Variants in SUSD6 observed in about 807,000 individuals in gnomAD.
The protein encoded by SUSD6 is sushi domain-containing protein 6.
SUSD6 carries 16 observed loss-of-function variants against 28.4 expected under a neutral mutation model. The ratio of observed to expected loss-of-function variants is 0.56; its 90% CI spans 0.38 to 0.86. The LOEUF (loss-of-function observed/expected upper bound fraction) is 0.86, where lower values mean the gene tolerates loss of function less well. SUSD6 is among the 40% of genes least tolerant of loss of function. SUSD6 has a pLI of 0.00. For missense variants in SUSD6, 341 were observed against 384.2 expected (o/e 0.89, Z 0.94); for synonymous variants, 147 against 159.6 (o/e 0.92, Z 0.59).
chr14:69,709,253 C>T lies in SUSD6; in HGVS notation c.886+149C>T, dbSNP rs550256809. On this transcript the variant is annotated intron_variant, in intron 5 of 5. Coordinates refer to ENST00000342745, the MANE Select transcript of SUSD6 (RefSeq NM_014734.4). The stretch of plus-strand genomic sequence containing the variant: ...TATTTGCCTACAAAATAGAATTTCA[C>T]CCTCAGAGTACTGAGTAGGGCTTTG... The T allele has an allele frequency of 1.2e-5, 9 of 741,984 alleles. No homozygotes were observed. In the Admixed American group the frequency reaches 1.6e-4, roughly 13 times the overall value. 46.0% of individuals were successfully genotyped at this position (741,984 alleles called of 1,614,324 possible).
Position 69,713,368 on chromosome 14 carries a change from C to G in SUSD6, c.*2389C>G, listed in dbSNP as rs1358430474. 6.6e-6 allele frequency: 1 copy of G among 152,358 alleles called. No homozygotes were observed. The highest frequency in any genetic ancestry group is 1.5e-5 in the Non-Finnish European group (1 of 68,148). 9.4% of individuals were successfully genotyped at this position (152,358 alleles called of 1,614,324 possible). On this transcript the variant is annotated 3_prime_UTR_variant, in exon 6 of 6. Coordinates refer to ENST00000342745, the MANE Select transcript of SUSD6 (RefSeq NM_014734.4). ...ACAATGGGAGCCTTGGCTCCCCTCT[C>G]GTCTCCTCCCCTCCTTCTTGTCACT...
At chr14:69,613,805 C>G (rs939051312) in intron 1 of SUSD6, among the ~76,000 whole-genome samples, 1 of 152,172 alleles carries the variant, frequency 6.6e-6, no homozygotes, top group East Asian at 1.9e-4. Context: ...GCATATGAAA[C>G]AAATCCTCAC....
chr14:69,668,945 C>T (rs562356770), intron 2 of SUSD6, among the ~76,000 whole-genome samples: 7 of 151,944 alleles, frequency 4.6e-5, no homozygotes, highest in Non-Finnish European at 7.4e-5. Flanking sequence ...TGAGGCCTCC[C>T]CAGAAGCACA....
chr14:69,663,118 A>G (rs1489309326), intron 2 of SUSD6, among the ~76,000 whole-genome samples: 1 of 152,254 alleles, frequency 6.6e-6, no homozygotes, highest in Non-Finnish European at 1.5e-5. Flanking sequence ...AATTTACTTC[A>G]GGAATCCCCA....
chr14:69,703,713 GCTC>G, intron 3 of SUSD6, 121 bp downstream of exon 3: 1 of 850,044 alleles, frequency 1.2e-6, no homozygotes. Context: ...CCCAGTTGAT[GCTC>G]TGCAGCCTCC....
chr14:69,639,313 CAA>C (rs57837741), intron 1 of SUSD6, among the ~76,000 whole-genome samples: 1,591 of 54,476 alleles, frequency 0.029, 31 homozygotes, highest in African/African-American at 0.13. Flanking sequence ...GACTCCGTCT[CAA>C]AAAAAAAAAA....
At chr14:69,669,062 C>CTTTTTTTTT (rs58962166) in intron 2 of SUSD6, among the ~76,000 whole-genome samples, 53 of 77,752 alleles carry the variant, frequency 6.8e-4, no homozygotes, top group South Asian at 9.9e-4. Flanking sequence ...CTTTTCTTTT[C>CTTTTTTTTT]TTTTTTTTTT....
chr14:69,697,722 C>A (rs948559027), intron 2 of SUSD6, among the ~76,000 whole-genome samples: 17 of 152,196 alleles, frequency 1.1e-4, no homozygotes, highest in Non-Finnish European at 2.5e-4. Flanking sequence ...AGTTTCTACT[C>A]TTTTTCTTCT....
intron 2 of SUSD6, among the ~76,000 whole-genome samples, chr14:69,664,873 ACACT>A (rs1885716109): frequency 6.6e-6 from 1 of 152,220 alleles, no homozygotes; most frequent in Non-Finnish European, 1.5e-5. Flanking sequence ...ATTAGGGTTA[ACACT>A]CAGTCTTCAA....
intron 2 of SUSD6, among the ~76,000 whole-genome samples, chr14:69,694,351 C>T (rs990120516): frequency 6.6e-6 from 1 of 152,180 alleles, no homozygotes; most frequent in African/African-American, 2.4e-5. Context: ...CTTTTGAATC[C>T]CCATGTTAAA....
chr14:69,703,769 G>T (rs1359861184), intron 3 of SUSD6, 177 bp downstream of exon 3: 12 of 629,908 alleles, frequency 1.9e-5, no homozygotes, highest in Non-Finnish European at 3.1e-5. Context: ...ACTTGAGGTT[G>T]CTGGTGCATG....
chr14:69,669,553 C>A (rs1378620417), intron 2 of SUSD6, among the ~76,000 whole-genome samples: 2 of 152,202 alleles, frequency 1.3e-5, no homozygotes, highest in Non-Finnish European at 2.9e-5. Context: ...TTGCCTACTG[C>A]CTTTGCAGCC....
rs145719975 is a variant in SUSD6, at chr14:69,638,197, T to C, written c.-80-20316T>C. 4.8e-4 allele frequency among the ~76,000 whole-genome samples: 73 copies of C among 152,326 alleles called. 1 individual carries two copies. In the East Asian group the frequency reaches 0.013, roughly 28 times the overall value. Reference sequence around the variant, plus strand: ...TGATGAATCTCTTTCCATCAGAGTTTATACCTTTCTGTTTACCACCCCGTT... The same window carrying C: ...TGATGAATCTCTTTCCATCAGAGTTCATACCTTTCTGTTTACCACCCCGTT... On this transcript the variant is annotated intron_variant, in intron 1 of 5. Coordinates refer to ENST00000342745, the MANE Select transcript of SUSD6 (RefSeq NM_014734.4).
intron 1 of SUSD6, among the ~76,000 whole-genome samples, chr14:69,644,376 G>A (rs1885396333): frequency 6.6e-6 from 1 of 152,086 alleles, no homozygotes; most frequent in Non-Finnish European, 1.5e-5. Context: ...TTATGGCTGG[G>A]CACGGTGGCT....
Position 69,713,381 on chromosome 14 carries a change from CCTT to C in SUSD6, c.*2406_*2408del, listed in dbSNP as rs908332262. ...TGGCTCCCCTCTCGTCTCCTCCCCTCCTTCTTGTCACTGGCTTTGATGAGGCCC... is the reference window on the plus strand; with the variant it reads ...TGGCTCCCCTCTCGTCTCCTCCCCTCCTTGTCACTGGCTTTGATGAGGCCC... On this transcript the variant is annotated 3_prime_UTR_variant, in exon 6 of 6. Coordinates refer to ENST00000342745, the MANE Select transcript of SUSD6 (RefSeq NM_014734.4). 4.6e-5 allele frequency: 7 copies of C among 152,408 alleles called. No individual in the cohort carries two copies. Among genetic ancestry groups the C allele is most frequent in the East Asian group, 3.8e-4 (2 of 5,208 alleles). 9.4% of individuals were successfully genotyped at this position (152,408 alleles called of 1,614,324 possible).
intron 2 of SUSD6, among the ~76,000 whole-genome samples, chr14:69,686,903 C>G (rs892174592): frequency 3.9e-5 from 6 of 152,160 alleles, no homozygotes; most frequent in African/African-American, 1.4e-4. Flanking sequence ...AATGCTTTTC[C>G]CCACATGTTG....
rs764697291 is a variant in SUSD6, at chr14:69,708,679, G to A, written c.461G>A (p.Arg154His). The change falls in exon 5 of 6, where the codon CGT becomes CAT. Residue 154 changes from arginine to histidine, a missense_variant and splice_region_variant. Transcript: ENST00000342745. Reference sequence around the variant, plus strand: ...TGTCTTTTCCTCCTCCACTCCAGGCGTGACCAGGGGGTATCTGGGGACCAG... The same window carrying A: ...TGTCTTTTCCTCCTCCACTCCAGGCATGACCAGGGGGTATCTGGGGACCAG... Reference protein sequence around the residue: ...PKLKSFHHSRRDQGVSGDQVS... With the variant: ...PKLKSFHHSRHDQGVSGDQVS... 4 of 1,560,506 alleles carry A rather than the reference G, an allele frequency of 2.6e-6. No individual in the cohort carries two copies. Among genetic ancestry groups the A allele is most frequent in the Non-Finnish European group, 3.5e-6 (4 of 1,151,492 alleles).
At chr14:69,621,177 T>C (rs538238451) in intron 1 of SUSD6, among the ~76,000 whole-genome samples, 2 of 152,246 alleles carry the variant, frequency 1.3e-5, no homozygotes, top group East Asian at 1.9e-4. Flanking sequence ...CCTGGATTAA[T>C]TGGATGATTA....
At position 69,682,032 on chromosome 14, in the gene SUSD6, G is replaced by C. The variant is rs527431113; in HGVS notation, c.122-21363G>C. 3.5e-4 allele frequency among the ~76,000 whole-genome samples: 53 copies of C among 152,264 alleles called. No individual in the cohort carries two copies. The South Asian group carries it at 0.011, about 30-fold the overall frequency. On this transcript the variant is annotated intron_variant, in intron 2 of 5. Transcript: ENST00000342745. ...TTGCTGTAATGTTTGATTAGTAGTA[G>C]TTTGAGAAATGAAATATAGGCCTGG...
Sources: gnomAD v4.1 joint callset for allele counts (sites outside exome capture counted in the v4.1 genomes callset) on GRCh38, gnomAD v4.1.1 for gene constraint, MANE v1.5 for transcripts, NCBI Gene and HGNC (gene_info 2026-07-23, HGNC 2026-07-21) for gene names.